ARHGEF4: variants seen among roughly 807,000 people sequenced by gnomAD.
ARHGEF4 encodes the protein Rho guanine nucleotide exchange factor 4, also known as APC-stimulated guanine nucleotide exchange factor 1.
A neutral mutation model predicts 162.0 loss-of-function variants in ARHGEF4; 119 were observed. The observed-to-expected ratio is 0.73, with a 90% CI of 0.63 to 0.86. The LOEUF (loss-of-function observed/expected upper bound fraction) is 0.86. Ranked by LOEUF, ARHGEF4 falls within the 40% of genes least tolerant of loss-of-function variation. ARHGEF4 has a pLI of 0.00. For synonymous variants in ARHGEF4, 1,014 were observed against 979.9 expected (o/e 1.03, Z -0.65); for missense variants, 2,488 against 2,456.0 (o/e 1.01, Z -0.28).
chr2:131,030,084 G>T (rs1689744715), intron 5 of ARHGEF4, among the ~76,000 whole-genome samples: 1 of 152,242 alleles, frequency 6.6e-6, no homozygotes, highest in African/African-American at 2.4e-5. Flanking sequence ...AACCACGAGG[G>T]TGATCATCCC....
At chr2:130,974,139 G>T (rs368727748) in intron 4 of ARHGEF4, among the ~76,000 whole-genome samples, 1 of 151,658 alleles carries the variant, frequency 6.6e-6, no homozygotes, top group East Asian at 1.9e-4. Flanking sequence ...AGGCATGATG[G>T]CACACACCTG....
At chr2:130,974,919 A>G (rs1685600818) in intron 4 of ARHGEF4, among the ~76,000 whole-genome samples, 1 of 152,220 alleles carries the variant, frequency 6.6e-6, no homozygotes. Context: ...CTCTTGACCT[A>G]TAATCCAAGA....
intron 9 of ARHGEF4, 35 bp downstream of exon 9, chr2:131,041,497 C>A (rs759746653): frequency 6.4e-7 from 1 of 1,574,030 alleles, no homozygotes; most frequent in Non-Finnish European, 8.7e-7. Flanking sequence ...GCAGCCCACG[C>A]CTCTGCATGC....
At chr2:130,987,082 G>T (rs1686560315) in intron 4 of ARHGEF4, among the ~76,000 whole-genome samples, 1 of 152,334 alleles carries the variant, frequency 6.6e-6, no homozygotes, top group African/African-American at 2.4e-5. Flanking sequence ...CCCCCACAGT[G>T]GGGAGGAGCC....
intron 1 of ARHGEF4, among the ~76,000 whole-genome samples, chr2:130,849,840 C>T (rs952796097): frequency 6.6e-6 from 1 of 152,216 alleles, no homozygotes; most frequent in African/African-American, 2.4e-5. Context: ...GCTGGGATTA[C>T]AGGCTTGAGC....
At chr2:130,941,698 A>G (rs1214944753) in intron 3 of ARHGEF4, among the ~76,000 whole-genome samples, 1 of 152,158 alleles carries the variant, frequency 6.6e-6, no homozygotes, top group Non-Finnish European at 1.5e-5. Context: ...GGAAGAGAAA[A>G]TATATTTACT....
rs150567261 is a variant in ARHGEF4, at chr2:131,004,367, G to T, written c.3986-23578G>T. On this transcript the variant is annotated intron_variant, in intron 4 of 13. Coordinates refer to ENST00000409359, the MANE Select transcript of ARHGEF4 (RefSeq NM_001367493.1). ...TTTTTAGTAGAGACGGGGTTTAACCGTGTTAGCCAGGATGGTCTCAATCAC... is the reference window on the plus strand; with the variant it reads ...TTTTTAGTAGAGACGGGGTTTAACCTTGTTAGCCAGGATGGTCTCAATCAC... Among the ~76,000 whole-genome samples, 445 of 152,242 alleles carry T rather than the reference G, an allele frequency of 2.9e-3. 3 individuals carry two copies. Among genetic ancestry groups the T allele is most frequent in the African/African-American group, 0.01 (429 of 41,540 alleles).
intron 1 of ARHGEF4, among the ~76,000 whole-genome samples, chr2:130,855,671 C>T (rs1426176200): frequency 2.0e-5 from 3 of 152,200 alleles, no homozygotes; most frequent in Non-Finnish European, 4.4e-5. Context: ...GGGCCTCAGG[C>T]AGACCAAAGA....
intron 1 of ARHGEF4, chr2:130,837,573 A>G (rs1284391849): frequency 2.2e-6 from 1 of 445,072 alleles, no homozygotes; most frequent in Non-Finnish European, 4.5e-6. Flanking sequence ...GGGCCCGCTC[A>G]CCATCCGGGA....
intron 4 of ARHGEF4, among the ~76,000 whole-genome samples, chr2:131,009,072 C>G (rs1194841604): frequency 6.6e-6 from 1 of 152,194 alleles, no homozygotes; most frequent in Non-Finnish European, 1.5e-5. Flanking sequence ...CTTAATGTTT[C>G]TTGTAGTAAT....
intron 4 of ARHGEF4, among the ~76,000 whole-genome samples, chr2:130,956,947 A>T (rs901436186): frequency 1.3e-5 from 2 of 152,098 alleles, no homozygotes; most frequent in African/African-American, 4.8e-5. Flanking sequence ...ATGTACCCTA[A>T]AACTTAAAGT....
At chr2:131,001,712 A>G (rs1461321956) in intron 4 of ARHGEF4, among the ~76,000 whole-genome samples, 1 of 152,180 alleles carries the variant, frequency 6.6e-6, no homozygotes, top group Admixed American at 6.5e-5. Context: ...TCGAGGTTAT[A>G]CCCAAGAAAC....
chr2:130,959,161 C>T (rs1346459100), intron 4 of ARHGEF4, among the ~76,000 whole-genome samples: 1 of 151,408 alleles, frequency 6.6e-6, no homozygotes, highest in Non-Finnish European at 1.5e-5. Flanking sequence ...AGGCTGGTCT[C>T]GAACTCCTGA....
chr2:130,866,276 C>T (rs1322804048), intron 1 of ARHGEF4, among the ~76,000 whole-genome samples: 3 of 152,056 alleles, frequency 2.0e-5, no homozygotes, highest in Admixed American at 6.5e-5. Context: ...TCCAGCTACT[C>T]GGGAGACTGA....
At chr2:130,902,197 T>C (rs570892897) in intron 1 of ARHGEF4, among the ~76,000 whole-genome samples, 1 of 152,280 alleles carries the variant, frequency 6.6e-6, no homozygotes, top group South Asian at 2.1e-4. Context: ...ATTCTGTGGG[T>C]ACAAATGAAA....
intron 4 of ARHGEF4, among the ~76,000 whole-genome samples, chr2:130,976,347 G>A (rs995086220): frequency 5.9e-5 from 5 of 84,800 alleles, no homozygotes; most frequent in African/African-American, 1.8e-4. Context: ...GTGTGTGTGT[G>A]TCTGTGTGTG....
intron 4 of ARHGEF4, among the ~76,000 whole-genome samples, chr2:130,949,224 T>C (rs1332888466): frequency 1.3e-5 from 2 of 152,242 alleles, no homozygotes; most frequent in African/African-American, 2.4e-5. Context: ...TTTGAAGCCA[T>C]TAAGAACAGA....
chr2:130,949,207 A>G (rs568909369), intron 4 of ARHGEF4, among the ~76,000 whole-genome samples: 1 of 152,168 alleles, frequency 6.6e-6, no homozygotes, highest in East Asian at 1.9e-4. Context: ...AATCTTTCCA[A>G]TGTCCTTTTG....
chr2:131,038,764 C>G, intron 5 of ARHGEF4, 89 bp from the exon 6 acceptor site: 6 of 1,437,078 alleles, frequency 4.2e-6, no homozygotes, highest in Non-Finnish European at 5.6e-6. Flanking sequence ...ATCCCCTCTT[C>G]CCAGGGCTGC....
Sources: gnomAD v4.1 joint callset for allele counts (sites outside exome capture counted in the v4.1 genomes callset) on GRCh38, gnomAD v4.1.1 for gene constraint, MANE v1.5 for transcripts, NCBI Gene and HGNC (gene_info 2026-07-23, HGNC 2026-07-21) for gene names.